The following HSD17B12 variants were observed in gnomAD, a reference collection of about 807,000 sequenced individuals.
HSD17B12 encodes hydroxysteroid 17-beta dehydrogenase 12.
In HSD17B12, 32 loss-of-function variants were observed where a neutral mutation model predicts 39.3. The ratio of observed to expected loss-of-function variants is 0.81; its 90% CI spans 0.61 to 1.09. The LOEUF is 1.09. Among genes scored for constraint, HSD17B12 ranks in the 50% least tolerant of loss-of-function variants. The pLI, the probability that HSD17B12 is intolerant of heterozygous loss-of-function variation, is 0.00. For missense variants in HSD17B12, 342 were observed against 382.9 expected, an observed-to-expected ratio of 0.89 and a Z score of 0.89; for synonymous variants, 150 against 146.7, an observed-to-expected ratio of 1.02 and a Z score of -0.16.
At chr11:43,567,732 C>A in the HSD17B12 span, among the ~76,000 whole-genome samples, 3 of 152,218 alleles carry the variant, frequency 2.0e-5, no homozygotes, top group South Asian at 6.2e-4. Flanking sequence ...CTGGTTTCTT[C>A]TGCCTCTTTT....
rs562832484 is a variant in HSD17B12, at chr11:43,850,792, G to A, written c.685-3923G>A. On this transcript the variant is annotated intron_variant, in intron 9 of 10. Transcript: ENST00000278353. ...ATACCAAGTTGTCGGGCCTGGTGCG[G>A]TGGTTCATGCCTGTAATCCCAGCAC... Among the ~76,000 whole-genome samples, 16 of 152,362 alleles carry A rather than the reference G, an allele frequency of 1.1e-4. No homozygotes were observed. In the South Asian group the frequency reaches 3.3e-3, roughly 32 times the overall value.
At chr11:43,683,099 T>G (rs1335910263) in intron 1 of HSD17B12, among the ~76,000 whole-genome samples, 30 of 150,470 alleles carry the variant, frequency 2.0e-4, no homozygotes, top group Admixed American at 4.6e-4. Context: ...GATGTGTTTT[T>G]TTTTGTTTTT....
At chr11:43,803,571 ACAGT>A (rs1275825341) in intron 4 of HSD17B12, among the ~76,000 whole-genome samples, 2 of 152,198 alleles carry the variant, frequency 1.3e-5, no homozygotes, top group Non-Finnish European at 2.9e-5. Context: ...TAAGCACCAA[ACAGT>A]CAGTGCTTAA....
rs11037607 is a variant in HSD17B12, at chr11:43,763,613, A to G, written c.283+9492A>G. 4.9e-3 allele frequency among the ~76,000 whole-genome samples: 718 copies of G among 146,948 alleles called. 5 individuals carry two copies. Among genetic ancestry groups the G allele is most frequent in the East Asian group, 0.044 (226 of 5,108 alleles). ...ATATATATATATATAAGGTTATCTT[A>G]TATATATATATATCTTATCTACATA... is the stretch of plus-strand genomic sequence containing the variant. On this transcript the variant is annotated intron_variant, in intron 3 of 10. Coordinates refer to ENST00000278353, the MANE Select transcript of HSD17B12 (RefSeq NM_016142.3).
the HSD17B12 span, chr11:43,579,361 C>T: frequency 6.6e-6 from 1 of 152,130 alleles, no homozygotes. Flanking sequence ...AGTACAGTAA[C>T]TTATATACTT....
In HSD17B12 at chr11:43,831,057, A is replaced by T. The variant is rs367575105; in HGVS notation, c.536+47A>T. ...AAACACTGTGGAAGCAGAGCTCATG[A>T]TTATTTAGAGGGAGAATCCTTGCTT... On this transcript the variant is annotated intron_variant, in intron 7 of 10. Transcript: ENST00000278353. The surrounding 1 kb of genome is among the most constrained non-coding windows in gnomAD (Gnocchi z 4.1). 3.5e-4 allele frequency: 543 copies of T among 1,541,904 alleles called. 1 individual carries two copies. Among genetic ancestry groups the T allele is most frequent in the Non-Finnish European group, 1.5e-4 (169 of 1,130,122 alleles).
chr11:43,573,893 C>T, the HSD17B12 span, among the ~76,000 whole-genome samples: 1 of 152,162 alleles, frequency 6.6e-6, no homozygotes, highest in Non-Finnish European at 1.5e-5. Flanking sequence ...GAAACACTGC[C>T]GGCGTCTCCT....
At chr11:43,656,386 G>A in the HSD17B12 span, among the ~76,000 whole-genome samples, 4 of 151,998 alleles carry the variant, frequency 2.6e-5, no homozygotes, top group African/African-American at 7.3e-5. Context: ...AGGGTTTTTT[G>A]TGTCTCTATT....
At chr11:43,851,981 T>C (rs1951536303) in intron 9 of HSD17B12, 1 of 152,230 alleles carries the variant, frequency 6.6e-6, no homozygotes, top group Non-Finnish European at 1.5e-5. Context: ...AGGGAAATTC[T>C]TGCACTTCAT....
chr11:43,562,273 G>C, the HSD17B12 span, among the ~76,000 whole-genome samples: 679 of 152,324 alleles, frequency 4.5e-3, 9 homozygotes, highest in African/African-American at 0.016. Flanking sequence ...AATAGGAGTA[G>C]GCATAGGTCT....
chr11:43,811,086 T>C (rs1309452419), intron 4 of HSD17B12, among the ~76,000 whole-genome samples: 2 of 152,224 alleles, frequency 1.3e-5, no homozygotes, highest in South Asian at 4.1e-4. Context: ...TCACTCCTAC[T>C]CAAAGCCTGT....
At chr11:43,736,964 G>A (rs1247945063) in intron 1 of HSD17B12, among the ~76,000 whole-genome samples, 1 of 152,156 alleles carries the variant, frequency 6.6e-6, no homozygotes, top group Non-Finnish European at 1.5e-5. Flanking sequence ...AGATTCCCAA[G>A]AGGAATACTG....
the HSD17B12 span, among the ~76,000 whole-genome samples, chr11:43,617,983 C>A: frequency 3.9e-5 from 6 of 152,054 alleles, no homozygotes; most frequent in Non-Finnish European, 8.8e-5. Flanking sequence ...AGTTTATGAA[C>A]AAAATAGGTG....
At chr11:43,583,720 G>T in the HSD17B12 span, among the ~76,000 whole-genome samples, 1 of 151,808 alleles carries the variant, frequency 6.6e-6, no homozygotes, top group African/African-American at 2.4e-5. Context: ...CTGCCGATGC[G>T]CATCCCACTT....
Position 43,847,632 on chromosome 11 carries a change from A to T in HSD17B12, c.685-7083A>T, listed in dbSNP as rs11037671. Among the ~76,000 whole-genome samples the T allele has an allele frequency of 4.0e-3, 579 of 146,524 alleles. 5 individuals carry two copies. In the East Asian group the frequency reaches 0.046, roughly 12 times the overall value. On this transcript the variant is annotated intron_variant, in intron 9 of 10. Coordinates refer to ENST00000278353, the MANE Select transcript of HSD17B12 (RefSeq NM_016142.3). ...TGAGACAGGAGAATCACTTGAGCCC[A>T]GGAGGTTGAAGGTGCAGTGAGCTGT...
intron 1 of HSD17B12, chr11:43,734,554 A>G (rs1257796677): frequency 1.1e-5 from 6 of 548,752 alleles, no homozygotes; most frequent in Non-Finnish European, 1.9e-5. Context: ...GTGCCCCTCC[A>G]GCTGCCCCAG....
intron 1 of HSD17B12, among the ~76,000 whole-genome samples, chr11:43,715,821 T>G (rs1403949654): frequency 2.0e-5 from 3 of 152,188 alleles, no homozygotes; most frequent in Non-Finnish European, 2.9e-5. Context: ...TTTGTTTCAT[T>G]TTAATTAAAA....
the HSD17B12 span, among the ~76,000 whole-genome samples, chr11:43,636,053 C>A: frequency 6.6e-6 from 1 of 152,084 alleles, no homozygotes. Flanking sequence ...AGGTACATGC[C>A]CAAATATTAA....
chr11:43,670,410 A>G, the HSD17B12 span: 1 of 152,228 alleles, frequency 6.6e-6, no homozygotes, highest in African/African-American at 2.4e-5. Flanking sequence ...AAGCATATAT[A>G]TTTAAAAGCA....
Sources: allele counts gnomAD v4.1 joint callset (sites outside exome capture counted in the v4.1 genomes callset), GRCh38; gene constraint gnomAD v4.1.1; non-coding constraint Gnocchi (gnomAD v3.1); transcripts MANE v1.5; gene names NCBI Gene and HGNC (gene_info 2026-07-23, HGNC 2026-07-21).